Variants in CAPN7 observed in about 807,000 individuals in gnomAD.
CAPN7 encodes the protein calpain-7.
In CAPN7, 72 loss-of-function variants were observed where a neutral mutation model predicts 115.2. That is an observed-to-expected ratio of 0.63 (90% CI 0.52 to 0.76). The LOEUF (loss-of-function observed/expected upper bound fraction) is 0.76. Among genes scored for constraint, CAPN7 ranks in the 30% least tolerant of loss-of-function variants. CAPN7 has a pLI of 0.00. For missense variants in CAPN7, 905 were observed against 971.5 expected, an observed-to-expected ratio of 0.93 and a Z score of 0.91; for synonymous variants, 344 against 322.3, an observed-to-expected ratio of 1.07 and a Z score of -0.72.
At chr3:15,233,093 G>A (rs1559401957) in intron 10 of CAPN7, among the ~76,000 whole-genome samples, 5 of 152,180 alleles carry the variant, frequency 3.3e-5, no homozygotes, top group African/African-American at 4.8e-5. Flanking sequence ...AAAGAAATTA[G>A]TCAGATTGGC....
chr3:15,235,333 A>G (rs1378101562), intron 12 of CAPN7, among the ~76,000 whole-genome samples, 188 bp downstream of exon 12: 1 of 152,226 alleles, frequency 6.6e-6, no homozygotes, highest in African/African-American at 2.4e-5. Flanking sequence ...AAAGGAAATC[A>G]TAGGGATGGC....
At chr3:15,229,947 C>T (rs542441868) in intron 8 of CAPN7, among the ~76,000 whole-genome samples, 2 of 152,142 alleles carry the variant, frequency 1.3e-5, no homozygotes, top group South Asian at 2.1e-4. Context: ...ATGAATTAGA[C>T]GCAGTCCTTA....
At chr3:15,239,439 A>T (rs1183032378) in intron 12 of CAPN7, among the ~76,000 whole-genome samples, 1 of 152,218 alleles carries the variant, frequency 6.6e-6, no homozygotes, top group South Asian at 2.1e-4. Flanking sequence ...GGTATTTACT[A>T]AGCATTTACC....
intron 5 of CAPN7, among the ~76,000 whole-genome samples, chr3:15,221,591 G>C (rs1244903312): frequency 6.6e-6 from 1 of 152,006 alleles, no homozygotes; most frequent in South Asian, 2.1e-4. Context: ...AAAGGTTAAG[G>C]AGCAAAATGA....
At chr3:15,213,512 A>G (rs916276290) in intron 2 of CAPN7, among the ~76,000 whole-genome samples, 10 of 152,212 alleles carry the variant, frequency 6.6e-5, no homozygotes, top group Non-Finnish European at 1.3e-4. Flanking sequence ...GAAAGGAGAG[A>G]TTATATGGTG....
At chr3:15,249,643 A>G (rs191505382) in intron 19 of CAPN7, among the ~76,000 whole-genome samples, 4 of 152,302 alleles carry the variant, frequency 2.6e-5, no homozygotes, top group African/African-American at 9.6e-5. Context: ...ATCTAAATGA[A>G]TCTTTCCTTA....
intron 6 of CAPN7, among the ~76,000 whole-genome samples, chr3:15,223,768 ATAT>A (rs1288516148): frequency 6.6e-6 from 1 of 152,214 alleles, no homozygotes; most frequent in Non-Finnish European, 1.5e-5. Flanking sequence ...CTTTTGCCTA[ATAT>A]TATTTCTGTA....
chr3:15,225,513 C>T (rs1439664489), intron 6 of CAPN7, among the ~76,000 whole-genome samples: 1 of 152,170 alleles, frequency 6.6e-6, no homozygotes, highest in Non-Finnish European at 1.5e-5. Context: ...CATAAACAAT[C>T]AAGTTTTCAA....
chr3:15,248,481 A>G (rs1451795617), intron 19 of CAPN7, among the ~76,000 whole-genome samples: 1 of 152,204 alleles, frequency 6.6e-6, no homozygotes, highest in Non-Finnish European at 1.5e-5. Context: ...ACACTAAGGT[A>G]GTAAAACTAT....
intron 19 of CAPN7, among the ~76,000 whole-genome samples, chr3:15,248,718 C>T (rs1333831350): frequency 6.6e-6 from 1 of 152,136 alleles, no homozygotes; most frequent in East Asian, 1.9e-4. Context: ...ACAGCCTGGG[C>T]ATGGTGGCTA....
chr3:15,206,527 T>C lies in CAPN7; in HGVS notation c.32T>C (p.Val11Ala). The C allele has an allele frequency of 6.4e-7, 1 of 1,555,488 alleles. No homozygotes were observed. The highest frequency in any genetic ancestry group is 1.2e-5 in the South Asian group (1 of 84,292). Residue 11 changes from valine to alanine, a missense_variant, in exon 1 of 21, where the codon GTG becomes GCG. By Grantham distance (64) the Val-to-Ala change is moderately conservative. This residue lies in a region of CAPN7 where 271 missense variants were observed against 239.6 expected (regional missense o/e 1.13). Transcript: ENST00000253693. ...GCCACAGCACTGGAGCGGGACGCTG[T>C]GCAGTTCGCCCGTCTGGCGGTTCAG... MDATALERDAVQFARLAVQRD... is the reference protein window; with the variant it reads MDATALERDAAQFARLAVQRD...
intron 12 of CAPN7, among the ~76,000 whole-genome samples, chr3:15,236,663 A>G (rs1695009599): frequency 6.6e-6 from 1 of 152,194 alleles, no homozygotes; most frequent in Non-Finnish European, 1.5e-5. Flanking sequence ...CCTACTATAC[A>G]CCCAAGCTCT....
intron 10 of CAPN7, 106 bp downstream of exon 10, chr3:15,232,771 C>A: frequency 2.2e-6 from 2 of 925,054 alleles, no homozygotes; most frequent in Non-Finnish European, 3.1e-6. Context: ...GGAAAGAGAG[C>A]AGATTATCAA....
At chr3:15,240,076 A>G (rs1695248824) in intron 12 of CAPN7, among the ~76,000 whole-genome samples, 1 of 152,240 alleles carries the variant, frequency 6.6e-6, no homozygotes, top group South Asian at 2.1e-4. Flanking sequence ...AAAATACTTC[A>G]TGCTCTAAGG....
rs34203410 is a variant in CAPN7, at chr3:15,238,108, CTTTTTT to C, written c.1408-2345_1408-2340del. 4.1e-4 allele frequency among the ~76,000 whole-genome samples: 24 copies of C among 58,200 alleles called. 1 individual carries two copies. The highest frequency in any genetic ancestry group is 0.016 in the Middle Eastern group (1 of 62). The allele number at this position is 58,200 out of a possible 152,430, so 38.2% of individuals were successfully genotyped here. A position where few individuals can be genotyped will look rare whatever the true frequency, so the allele number is the denominator to read the frequency against. On this transcript the variant is annotated intron_variant, in intron 12 of 20. Coordinates refer to ENST00000253693, the MANE Select transcript of CAPN7 (RefSeq NM_014296.3). ...TGAAGTGTTTATTTAATTCTGACTT[CTTTTTT>C]TTTTTTTTTTTTTTTTTTTGAGACA...
chr3:15,210,379 A>C (rs2044863051), intron 1 of CAPN7, among the ~76,000 whole-genome samples: 1 of 152,182 alleles, frequency 6.6e-6, no homozygotes, highest in African/African-American at 2.4e-5. Context: ...TACATGTATC[A>C]AAAACATTCC....
intron 11 of CAPN7, 50 bp from the exon 12 acceptor site, chr3:15,234,975 G>C: frequency 6.5e-7 from 1 of 1,544,996 alleles, no homozygotes; most frequent in Non-Finnish European, 8.8e-7. Flanking sequence ...TGTGATCTTA[G>C]ATTACAAATG....
chr3:15,252,089 T>C lies in CAPN7; in HGVS notation c.*829T>C, dbSNP rs1696029870. ...AATAGAGAATTTAATATATGGTGAT[T>C]GGGATATGTAGCATTCAAAAAAAGT... On this transcript the variant is annotated 3_prime_UTR_variant, in exon 21 of 21. Transcript: ENST00000253693. 1 of 152,664 alleles carries C rather than the reference T, an allele frequency of 6.6e-6. No individual in the cohort carries two copies. The highest frequency in any genetic ancestry group is 2.4e-5 in the African/African-American group (1 of 41,462). 9.5% of individuals were successfully genotyped at this position (152,664 alleles called of 1,614,324 possible).
intron 6 of CAPN7, among the ~76,000 whole-genome samples, chr3:15,224,650 T>C (rs1202627845): frequency 6.6e-6 from 1 of 152,044 alleles, no homozygotes; most frequent in Non-Finnish European, 1.5e-5. Context: ...ATATTTACAG[T>C]GGTTATGTCT....
Sources: gnomAD v4.1 joint callset for allele counts (sites outside exome capture counted in the v4.1 genomes callset) on GRCh38, gnomAD v4.1.1 for gene constraint, gnomAD v4.1.1 regional missense constraint, MANE v1.5 for transcripts, NCBI Gene and HGNC (gene_info 2026-07-23, HGNC 2026-07-21) for gene names.